MRPL42: variants seen among roughly 807,000 people sequenced by gnomAD.
MRPL42 encodes mitochondrial ribosomal protein L42, also known as large ribosomal subunit protein mL42.
Under a neutral mutation model 17.9 loss-of-function variants are expected in MRPL42, and 17 were observed. The observed-to-expected ratio is 0.95, with a 90% CI of 0.65 to 1.42. MRPL42 has a LOEUF of 1.42. Ranked by LOEUF, MRPL42 falls within the 40% of genes most tolerant of loss-of-function variation. The pLI, the probability that MRPL42 is intolerant of heterozygous loss-of-function variation, is 0.00. For missense variants in MRPL42, 177 were observed against 175.2 expected, an observed-to-expected ratio of 1.01 and a Z score of -0.06; for synonymous variants, 59 against 54.4, an observed-to-expected ratio of 1.08 and a Z score of -0.37.
chr12:93,487,412 A>G (rs1880796405), intron 4 of MRPL42, 85 bp from the exon 5 acceptor site: 1 of 1,246,262 alleles, frequency 8.0e-7, no homozygotes, highest in Non-Finnish European at 1.1e-6. Flanking sequence ...ATTACTGAAT[A>G]TGGTAATTGT....
chr12:93,506,260 C>CTTTTTTTTTTTTTTTTT lies in MRPL42; in HGVS notation c.*5045_*5061dup, dbSNP rs58440444. The CTTTTTTTTTTTTTTTTT allele has an allele frequency of 2.3e-5, 2 of 87,860 alleles. No individual in the cohort carries two copies. Among genetic ancestry groups the CTTTTTTTTTTTTTTTTT allele is most frequent in the Non-Finnish European group, 4.0e-5 (2 of 49,746 alleles). The allele number at this position is 87,860 out of a possible 1,614,324, so 5.4% of individuals were successfully genotyped here. ...AGTCTTCAATTCAGCAAGAATGTCT[C>CTTTTTTTTTTTTTTTTT]TTTTTTTTTTTTTTTTTTTTTTGGG... On this transcript the variant is annotated 3_prime_UTR_variant, in exon 6 of 6. Transcript: ENST00000549982.
At position 93,504,271 on chromosome 12, in the gene MRPL42, A is replaced by C. The variant is rs763294613; in HGVS notation, c.*3050A>C. 3 of 153,834 alleles carry C rather than the reference A, an allele frequency of 2.0e-5. No homozygotes were observed. The highest frequency in any genetic ancestry group is 4.4e-5 in the Non-Finnish European group (3 of 68,126). The allele number at this position is 153,834 out of a possible 1,614,324, so 9.5% of individuals were successfully genotyped here. ...TTCTCCTGCCTCAGCCTCCTTAAGT[A>C]GTTGGGATTACAAGTGTGCACCACC... On this transcript the variant is annotated 3_prime_UTR_variant, in exon 6 of 6. Transcript: ENST00000549982.
chr12:93,484,171 A>G (rs909249829), intron 4 of MRPL42, among the ~76,000 whole-genome samples: 1 of 152,192 alleles, frequency 6.6e-6, no homozygotes, highest in African/African-American at 2.4e-5. Flanking sequence ...AGTACGCTCT[A>G]AAATAATGAT....
At chr12:93,499,617 A>T (rs897800823) in intron 5 of MRPL42, among the ~76,000 whole-genome samples, 1 of 152,134 alleles carries the variant, frequency 6.6e-6, no homozygotes. Context: ...TTAGAAAAAA[A>T]CAGAATTTTC....
In MRPL42 at chr12:93,510,894, G is replaced by A. The variant is rs756234461; in HGVS notation, c.*9673G>A. On this transcript the variant is annotated 3_prime_UTR_variant, in exon 6 of 6. Coordinates refer to ENST00000549982, the MANE Select transcript of MRPL42 (RefSeq NM_014050.4). The stretch of plus-strand genomic sequence containing the variant: ...AGATTAGATCTGTTTAAAGAGAAAG[G>A]AGAGAAAGTTTCAGGCAGGGAATGC... 4 of 152,164 alleles carry A rather than the reference G, an allele frequency of 2.6e-5. No homozygotes were observed. The highest frequency in any genetic ancestry group is 5.9e-5 in the Non-Finnish European group (4 of 68,030). 9.4% of individuals were successfully genotyped at this position (152,164 alleles called of 1,614,324 possible). A position where few individuals can be genotyped will look rare whatever the true frequency, so the allele number is the denominator to read the frequency against.
intron 2 of MRPL42, among the ~76,000 whole-genome samples, chr12:93,473,706 C>T (rs12313510): frequency 0.013 from 1,904 of 152,166 alleles, 44 homozygotes; most frequent in African/African-American, 0.043. Flanking sequence ...GCTGGGATTA[C>T]AGACGTGAGC....
chr12:93,498,196 AATCATTAG>A (rs1211973906), intron 5 of MRPL42, among the ~76,000 whole-genome samples: 56 of 1,192 alleles, frequency 0.047, no homozygotes, highest in Non-Finnish European at 0.078. Flanking sequence ...TGTACTACAG[AATCATTAG>A]GATCTACACA....
At position 93,514,654 on chromosome 12, in the gene MRPL42, T is replaced by C. The variant is rs1314828677; in HGVS notation, c.*13433T>C. The C allele has an allele frequency of 6.6e-6, 1 of 152,216 alleles. No homozygotes were observed. The highest frequency in any genetic ancestry group is 1.5e-5 in the Non-Finnish European group (1 of 68,036). The allele number at this position is 152,216 out of a possible 1,614,324, so 9.4% of individuals were successfully genotyped here. A position where few individuals can be genotyped will look rare whatever the true frequency, so the allele number is the denominator to read the frequency against. ...TATGGTTTATAATCCTCAGACTTGA[T>C]TCTCCCCCTGAATCTATATGAAATA... is the stretch of plus-strand genomic sequence containing the variant. On this transcript the variant is annotated 3_prime_UTR_variant, in exon 6 of 6. Coordinates refer to ENST00000549982, the MANE Select transcript of MRPL42 (RefSeq NM_014050.4).
chr12:93,468,094 G>T (rs909687550), intron 1 of MRPL42, among the ~76,000 whole-genome samples: 2 of 152,120 alleles, frequency 1.3e-5, no homozygotes, highest in African/African-American at 4.8e-5. Context: ...TGACCTCTCT[G>T]AGCCTTTGTT....
At chr12:93,474,518 T>C (rs1029680511) in intron 2 of MRPL42, among the ~76,000 whole-genome samples, 9 of 152,266 alleles carry the variant, frequency 5.9e-5, no homozygotes, top group Admixed American at 2.0e-4. Context: ...CATTGCAGCC[T>C]CACCCTCCTA....
At position 93,484,973 on chromosome 12, in the gene MRPL42, C is replaced by CATAT. The variant is rs1565813713; in HGVS notation, c.220-2523_220-2522insTATA. On this transcript the variant is annotated intron_variant, in intron 4 of 5. Coordinates refer to ENST00000549982, the MANE Select transcript of MRPL42 (RefSeq NM_014050.4). Reference sequence around the variant, plus strand: ...TTGCTTTTTAAAAAACACACACACACACACACATATATATATATATATATA... The same window carrying CATAT: ...TTGCTTTTTAAAAAACACACACACACATATACACACATATATATATATATATATA... 8.0e-3 allele frequency among the ~76,000 whole-genome samples: 191 copies of CATAT among 23,958 alleles called. 31 individuals are homozygous for CATAT. The highest frequency in any genetic ancestry group is 0.022 in the South Asian group (14 of 646). The allele number at this position is 23,958 out of a possible 152,430, so 15.7% of individuals were successfully genotyped here.
chr12:93,472,404 C>T (rs1879954625), intron 2 of MRPL42, among the ~76,000 whole-genome samples: 1 of 152,054 alleles, frequency 6.6e-6, no homozygotes, highest in Non-Finnish European at 1.5e-5. Context: ...TAGGAAACCT[C>T]ATTTCTACAA....
chr12:93,472,191 T>C (rs1036491452), intron 2 of MRPL42, among the ~76,000 whole-genome samples: 1 of 152,158 alleles, frequency 6.6e-6, no homozygotes, highest in Non-Finnish European at 1.5e-5. Flanking sequence ...AAGAATTAGG[T>C]TACCCTAGAA....
At chr12:93,500,206 G>A (rs1202796706) in intron 5 of MRPL42, among the ~76,000 whole-genome samples, 2 of 152,072 alleles carry the variant, frequency 1.3e-5, no homozygotes, top group South Asian at 2.1e-4. Flanking sequence ...ATTTTCTCCT[G>A]TGTTCTTCCT....
chr12:93,511,185 A>G lies in MRPL42; in HGVS notation c.*9964A>G, dbSNP rs1953722488. On this transcript the variant is annotated 3_prime_UTR_variant, in exon 6 of 6. Coordinates refer to ENST00000549982, the MANE Select transcript of MRPL42 (RefSeq NM_014050.4). ...AATGAAGACATGGGAAAACCATAAC[A>G]TGTTATTTGCTGAGAAGTTCTGGCA... 5.3e-5 allele frequency: 8 copies of G among 152,240 alleles called. No individual in the cohort carries two copies. Among genetic ancestry groups the G allele is most frequent in the Admixed American group, 5.2e-4 (8 of 15,286 alleles). The allele number at this position is 152,240 out of a possible 1,614,324, so 9.4% of individuals were successfully genotyped here.
Position 93,502,858 on chromosome 12 carries a change from C to T in MRPL42, c.*1637C>T, listed in dbSNP as rs563041541. ...TACCCAAGATGCCCACATCCACATA[C>T]TTATGTGTCAGTGCTTTGGAGAATT... On this transcript the variant is annotated 3_prime_UTR_variant, in exon 6 of 6. Transcript: ENST00000549982. 2 of 152,334 alleles carry T rather than the reference C, an allele frequency of 1.3e-5. No individual in the cohort carries two copies. Among genetic ancestry groups the T allele is most frequent in the South Asian group, 4.1e-4 (2 of 4,830 alleles). The allele number at this position is 152,334 out of a possible 1,614,324, so 9.4% of individuals were successfully genotyped here. A position where few individuals can be genotyped will look rare whatever the true frequency, so the allele number is the denominator to read the frequency against.
rs747397785 is a variant in MRPL42, at chr12:93,501,174, A to G, written c.384-2A>G. On this transcript the variant is annotated splice_acceptor_variant, in intron 5 of 5. Coordinates refer to ENST00000549982, the MANE Select transcript of MRPL42 (RefSeq NM_014050.4). LOFTEE classifies it high-confidence loss of function. ...TATTCCAAGTATTTTCTTCTTTTCAAGGTATCACAGATGTCGTAAGAATCT... is the reference window on the plus strand; with the variant it reads ...TATTCCAAGTATTTTCTTCTTTTCAGGGTATCACAGATGTCGTAAGAATCT... 3.8e-6 allele frequency: 6 copies of G among 1,592,268 alleles called. No individual in the cohort carries two copies. Among genetic ancestry groups the G allele is most frequent in the Non-Finnish European group, 5.1e-6 (6 of 1,171,000 alleles).
chr12:93,494,258 TACAA>T (rs1316984203), intron 5 of MRPL42, among the ~76,000 whole-genome samples: 1 of 152,174 alleles, frequency 6.6e-6, no homozygotes, highest in Non-Finnish European at 1.5e-5. Context: ...GCTGCTACGC[TACAA>T]ACAGACTGCA....
At chr12:93,484,906 T>A (rs1284478496) in intron 4 of MRPL42, among the ~76,000 whole-genome samples, 1 of 144,734 alleles carries the variant, frequency 6.9e-6, no homozygotes, top group Non-Finnish European at 1.5e-5. Flanking sequence ...CCTCAAAACA[T>A]TCTTATGCAG....
Sources: allele counts gnomAD v4.1 joint callset (sites outside exome capture counted in the v4.1 genomes callset), GRCh38; gene constraint gnomAD v4.1.1; transcripts MANE v1.5; gene names NCBI Gene and HGNC (gene_info 2026-07-23, HGNC 2026-07-21).